The following SV2B variants were observed in gnomAD, a reference collection of about 807,000 sequenced individuals.
The protein encoded by SV2B is synaptic vesicle glycoprotein 2B, also known as solute carrier family 22 member B2.
Under a neutral mutation model 73.9 loss-of-function variants are expected in SV2B, and 41 were observed. The observed-to-expected ratio is 0.56, with a 90% CI of 0.43 to 0.72. SV2B has a LOEUF of 0.72. Among genes scored for constraint, SV2B ranks in the 30% least tolerant of loss-of-function variants. SV2B has a pLI of 0.00. For missense variants in SV2B, 764 were observed against 857.8 expected, an observed-to-expected ratio of 0.89 and a Z score of 1.37; for synonymous variants, 314 against 314.2, an observed-to-expected ratio of 1.00 and a Z score of 0.01.
intron 1 of SV2B, among the ~76,000 whole-genome samples, chr15:91,160,198 A>G (rs996786381): frequency 1.3e-5 from 2 of 152,198 alleles, no homozygotes; most frequent in African/African-American, 2.4e-5. Flanking sequence ...TCTTTTTGGA[A>G]AGGTGGGGAG....
rs111787763 is a variant in SV2B, at chr15:91,242,133, G to A, written c.452-9686G>A. 6.6e-6 allele frequency among the ~76,000 whole-genome samples: 1 copy of A among 152,112 alleles called. No individual in the cohort carries two copies. The highest frequency in any genetic ancestry group is 2.4e-5 in the African/African-American group (1 of 41,418). On this transcript the variant is annotated intron_variant, in intron 2 of 12. Coordinates refer to ENST00000394232, the MANE Select transcript of SV2B (RefSeq NM_001323032.3). This position sits in a 1 kb window ranked among gnomAD's most constrained non-coding sequence, Gnocchi z 4.9. ...TTAGCCACTCTCTCCTCCTTGATGC[G>A]CTTTCTTTATTGGACATCTAAGCTA...
Position 91,265,136 on chromosome 15 carries a change from C to A in SV2B, c.1009-1446C>A, listed in dbSNP as rs755516786. 6.6e-6 allele frequency among the ~76,000 whole-genome samples: 1 copy of A among 152,172 alleles called. No individual in the cohort carries two copies. The highest frequency in any genetic ancestry group is 2.4e-5 in the African/African-American group (1 of 41,444). On this transcript the variant is annotated intron_variant, in intron 6 of 12. Transcript: ENST00000394232. The surrounding 1 kb of genome is among the most constrained non-coding windows in gnomAD (Gnocchi z 4.2). ...AGGTGTTACCTGTTTTACTCCTGTGCGTGTCCCATCAGCAGACGTGCTCAT... is the reference window on the plus strand; with the variant it reads ...AGGTGTTACCTGTTTTACTCCTGTGAGTGTCCCATCAGCAGACGTGCTCAT...
chr15:91,258,477 A>G lies in SV2B; in HGVS notation c.841A>G (p.Ile281Val). The G allele has an allele frequency of 6.2e-7, 1 of 1,614,126 alleles. No individual in the cohort carries two copies. Among genetic ancestry groups the G allele is most frequent in the Admixed American group, 1.7e-5 (1 of 60,024 alleles). ...CTTCCATAGCTGGAGAGTGTTTGTC[A>G]TCGTCTGTGCTCTGCCCTGCACCGT... ...YHFHSWRVFV[I>V]VCALPCTVSM... The change falls in exon 5 of 13, where the codon ATC becomes GTC. Residue 281 changes from isoleucine to valine, a missense_variant. Coordinates refer to ENST00000394232, the MANE Select transcript of SV2B (RefSeq NM_001323032.3). This position sits in a 1 kb window ranked among gnomAD's most constrained non-coding sequence, Gnocchi z 4.7.
chr15:91,294,822 A>G lies in SV2B; in HGVS notation c.*2270A>G, dbSNP rs892990537. On this transcript the variant is annotated 3_prime_UTR_variant, in exon 13 of 13. Transcript: ENST00000394232. This position sits in a 1 kb window ranked among gnomAD's most constrained non-coding sequence, Gnocchi z 4.1. ...TTGGTTTCCAAGATCTCACTTCTGC[A>G]TTATCTTTATGGCTCTTTAAACCAG... 2.0e-5 allele frequency: 3 copies of G among 152,384 alleles called. No homozygotes were observed. Among genetic ancestry groups the G allele is most frequent in the Admixed American group, 6.5e-5 (1 of 15,274 alleles). The allele number at this position is 152,384 out of a possible 1,614,324, so 9.4% of individuals were successfully genotyped here.
intron 9 of SV2B, among the ~76,000 whole-genome samples, chr15:91,269,468 A>G (rs1018477249): frequency 6.6e-6 from 1 of 152,230 alleles, no homozygotes; most frequent in African/African-American, 2.4e-5. Context: ...AGATAGTTCA[A>G]TGTCAGTCAC....
chr15:91,157,617 T>G (rs866654916), intron 1 of SV2B, among the ~76,000 whole-genome samples: 7 of 152,206 alleles, frequency 4.6e-5, no homozygotes, highest in African/African-American at 9.6e-5. Flanking sequence ...AACAACACTG[T>G]GATGCAGATG....
At chr15:91,198,459 G>A (rs908956316) in intron 1 of SV2B, among the ~76,000 whole-genome samples, 1 of 117,410 alleles carries the variant, frequency 8.5e-6, no homozygotes, top group Admixed American at 8.4e-5. Flanking sequence ...ACGTGTATGT[G>A]TGTGTGTGTG....
At position 91,290,597 on chromosome 15, in the gene SV2B, C is replaced by G. The variant is rs977751281; in HGVS notation, c.1868+917C>G. Among the ~76,000 whole-genome samples, 2 of 151,698 alleles carry G rather than the reference C, an allele frequency of 1.3e-5. No homozygotes were observed. Among genetic ancestry groups the G allele is most frequent in the African/African-American group, 2.4e-5 (1 of 41,262 alleles). On this transcript the variant is annotated intron_variant, in intron 12 of 12. Coordinates refer to ENST00000394232, the MANE Select transcript of SV2B (RefSeq NM_001323032.3). The surrounding 1 kb of genome is among the most constrained non-coding windows in gnomAD (Gnocchi z 4.7). ...ATTATGTATAGGTTTTAAAATATAT[C>G]GAAAAAGTTAAAGATGCAATTGATA... is the stretch of plus-strand genomic sequence containing the variant.
Position 91,279,539 on chromosome 15 carries a change from T to C in SV2B, c.1374-2189T>C, listed in dbSNP as rs112949762. Among the ~76,000 whole-genome samples the C allele has an allele frequency of 6.6e-3, 1,013 of 152,372 alleles. 11 individuals are homozygous for C. Among genetic ancestry groups the C allele is most frequent in the African/African-American group, 0.023 (965 of 41,594 alleles). ...GCTGGAGATCGGAGGAGATGATTTA[T>C]GTAGAGCGTCATAAAATATGTGTTG... is the stretch of plus-strand genomic sequence containing the variant. On this transcript the variant is annotated intron_variant, in intron 9 of 12. Transcript: ENST00000394232.
Position 91,124,790 on chromosome 15 carries a change from A to G in SV2B, c.-392+24427A>G, listed in dbSNP as rs959075659. Among the ~76,000 whole-genome samples, 3 of 152,062 alleles carry G rather than the reference A, an allele frequency of 2.0e-5. No individual in the cohort carries two copies. The highest frequency in any genetic ancestry group is 4.4e-5 in the Non-Finnish European group (3 of 68,016). Reference sequence around the variant, plus strand: ...AGCCTCAGCATCCCAAGTAACTGGGACTACAGGCATGAGCCACCACACCTG... The same window carrying G: ...AGCCTCAGCATCCCAAGTAACTGGGGCTACAGGCATGAGCCACCACACCTG... On this transcript the variant is annotated intron_variant, in intron 1 of 12. Coordinates refer to ENST00000394232, the MANE Select transcript of SV2B (RefSeq NM_001323032.3). The surrounding 1 kb of genome is among the most constrained non-coding windows in gnomAD (Gnocchi z 4.6).
chr15:91,286,470 C>T (rs939212227), intron 11 of SV2B, among the ~76,000 whole-genome samples: 2 of 152,154 alleles, frequency 1.3e-5, no homozygotes, highest in Admixed American at 6.5e-5. Flanking sequence ...TAGTTATTCT[C>T]TCAAGGCTGT....
In SV2B at chr15:91,137,349, A is replaced by G. The variant is rs966316739; in HGVS notation, c.-392+36986A>G. The stretch of plus-strand genomic sequence containing the variant: ...TTGTGTGATTCTAAATGTGAGATGG[A>G]AGATGAGGGTGGCTTCAAAGCGTTT... On this transcript the variant is annotated intron_variant, in intron 1 of 12. Transcript: ENST00000394232. This position sits in a 1 kb window ranked among gnomAD's most constrained non-coding sequence, Gnocchi z 4.9. 6.6e-6 allele frequency among the ~76,000 whole-genome samples: 1 copy of G among 152,148 alleles called. No homozygotes were observed. Among genetic ancestry groups the G allele is most frequent in the Admixed American group, 6.5e-5 (1 of 15,274 alleles).
At chr15:91,162,080 A>G (rs567276463) in intron 1 of SV2B, among the ~76,000 whole-genome samples, 1 of 152,304 alleles carries the variant, frequency 6.6e-6, no homozygotes, top group East Asian at 1.9e-4. Context: ...TTTTGGGCAC[A>G]GTTTCTAACA....
At chr15:91,119,431 G>A (rs1195358051) in intron 1 of SV2B, among the ~76,000 whole-genome samples, 4 of 152,188 alleles carry the variant, frequency 2.6e-5, no homozygotes, top group Non-Finnish European at 5.9e-5. Context: ...GGCTCTGATT[G>A]TGTAAACTGA....
rs543566203 is a variant in SV2B at position 91,232,457 on chromosome 15, G to A, written c.451+5743G>A. ...GAGTTGATTCCACCGGCAATGGAGA[G>A]CTGTTTAATGGGGAGCTATGAAATA... is the stretch of plus-strand genomic sequence containing the variant. On this transcript the variant is annotated intron_variant, in intron 2 of 12. Coordinates refer to ENST00000394232, the MANE Select transcript of SV2B (RefSeq NM_001323032.3). This position sits in a 1 kb window ranked among gnomAD's most constrained non-coding sequence, Gnocchi z 4.7. 6.6e-6 allele frequency among the ~76,000 whole-genome samples: 1 copy of A among 152,280 alleles called. No individual in the cohort carries two copies. The highest frequency in any genetic ancestry group is 2.4e-5 in the African/African-American group (1 of 41,550).
intron 1 of SV2B, among the ~76,000 whole-genome samples, chr15:91,186,385 A>AAAT (rs1291980911): frequency 6.6e-6 from 1 of 152,214 alleles, no homozygotes; most frequent in Admixed American, 6.5e-5. Flanking sequence ...GCATCATGAT[A>AAAT]AATAGAAAAA....
chr15:91,183,717 C>A (rs1224632960), intron 1 of SV2B, among the ~76,000 whole-genome samples: 5 of 152,182 alleles, frequency 3.3e-5, no homozygotes, highest in Admixed American at 6.5e-5. Flanking sequence ...GAAATAAAAA[C>A]CCCAGTCTCA....
intron 2 of SV2B, among the ~76,000 whole-genome samples, chr15:91,251,288 A>G (rs2047471811): frequency 6.6e-6 from 1 of 152,284 alleles, no homozygotes; most frequent in African/African-American, 2.4e-5. Context: ...CACACCATAT[A>G]CAAATATACT....
chr15:91,243,565 A>G (rs1174966544), intron 2 of SV2B, among the ~76,000 whole-genome samples: 1 of 152,060 alleles, frequency 6.6e-6, no homozygotes, highest in Non-Finnish European at 1.5e-5. Context: ...GTGGCTGTGG[A>G]TATGTCTCTA....
Sources: allele counts gnomAD v4.1 joint callset (sites outside exome capture counted in the v4.1 genomes callset), GRCh38; gene constraint gnomAD v4.1.1; non-coding constraint Gnocchi (gnomAD v3.1); transcripts MANE v1.5; gene names NCBI Gene and HGNC (gene_info 2026-07-23, HGNC 2026-07-21).